Variants in ATP8A2 observed in about 807,000 individuals in gnomAD.
ATP8A2 encodes ATPase phospholipid transporting 8A2.
Under a neutral mutation model 165.6 loss-of-function variants are expected in ATP8A2, and 100 were observed. That is an observed-to-expected ratio of 0.60 (90% CI 0.51 to 0.71). The LOEUF is 0.71. Among genes scored for constraint, ATP8A2 ranks in the 30% least tolerant of loss-of-function variants. ATP8A2 has a pLI of 0.00. For missense variants in ATP8A2, 1,227 were observed against 1,479.5 expected (o/e 0.83, Z 2.80); for synonymous variants, 543 against 548.8 (o/e 0.99, Z 0.15).
At chr13:25,632,085 A>G (rs548329164) in intron 24 of ATP8A2, among the ~76,000 whole-genome samples, 56 of 152,156 alleles carry the variant, frequency 3.7e-4, no homozygotes, top group African/African-American at 1.3e-3. Flanking sequence ...GAAACACTTT[A>G]CTTACATTTT....
chr13:25,753,766 G>T (rs1202560934), intron 25 of ATP8A2, among the ~76,000 whole-genome samples: 1 of 152,220 alleles, frequency 6.6e-6, no homozygotes, highest in Non-Finnish European at 1.5e-5. Context: ...TATCCTGAGT[G>T]CTTGGGGTGC....
chr13:25,511,618 C>G (rs986261617), intron 2 of ATP8A2, among the ~76,000 whole-genome samples: 5 of 152,104 alleles, frequency 3.3e-5, no homozygotes, highest in African/African-American at 1.2e-4. Context: ...TCTAAAGTGT[C>G]AGTTTAGAGG....
At chr13:25,560,883 A>G (rs1213316311) in intron 15 of ATP8A2, among the ~76,000 whole-genome samples, 2 of 146,006 alleles carry the variant, frequency 1.4e-5, no homozygotes. Flanking sequence ...AGGTTTTTAC[A>G]TTTTTTCCTT....
At chr13:25,744,330 C>CCCCCCCCA (rs1566097592) in intron 25 of ATP8A2, among the ~76,000 whole-genome samples, 1 of 151,932 alleles carries the variant, frequency 6.6e-6, no homozygotes, top group African/African-American at 2.4e-5. Flanking sequence ...TCACCACCCC[C>CCCCCCCCA]CCGTGTGTAT....
At chr13:25,899,725 AG>A (rs1461773448) in intron 33 of ATP8A2, among the ~76,000 whole-genome samples, 1 of 152,174 alleles carries the variant, frequency 6.6e-6, no homozygotes, top group Non-Finnish European at 1.5e-5. Flanking sequence ...AGAAGAGCAG[AG>A]GGGTGCACGG....
chr13:25,963,851 C>G (rs1420718030), intron 34 of ATP8A2, among the ~76,000 whole-genome samples: 1 of 152,214 alleles, frequency 6.6e-6, no homozygotes, highest in Non-Finnish European at 1.5e-5. Context: ...TCAAACAGGA[C>G]TTGTTTTTGG....
chr13:25,820,944 GGTTT>G (rs1377300561), intron 27 of ATP8A2, among the ~76,000 whole-genome samples: 1 of 151,332 alleles, frequency 6.6e-6, no homozygotes, highest in Admixed American at 6.6e-5. Flanking sequence ...GTTGGCTTTG[GGTTT>G]GTTTTTTTTT....
At chr13:25,770,090 C>A (rs2044586533) in intron 26 of ATP8A2, among the ~76,000 whole-genome samples, 1 of 152,190 alleles carries the variant, frequency 6.6e-6, no homozygotes, top group Non-Finnish European at 1.5e-5. Flanking sequence ...TGTCCTTGTT[C>A]ATTTCTGGGC....
At chr13:25,854,472 A>C (rs10467675) in intron 30 of ATP8A2, among the ~76,000 whole-genome samples, 1,816 of 152,222 alleles carry the variant, frequency 0.012, 39 homozygotes, top group African/African-American at 0.04. Flanking sequence ...ACAGGCATGC[A>C]CCAGCATACC....
At chr13:25,433,588 C>G (rs2034673348) in intron 1 of ATP8A2, among the ~76,000 whole-genome samples, 1 of 152,126 alleles carries the variant, frequency 6.6e-6, no homozygotes, top group Non-Finnish European at 1.5e-5. Flanking sequence ...GTCTGTTTTT[C>G]AAGTGCTGTT....
chr13:25,906,167 C>G (rs1953930306), intron 33 of ATP8A2, among the ~76,000 whole-genome samples: 1 of 152,178 alleles, frequency 6.6e-6, no homozygotes, highest in South Asian at 2.1e-4. Context: ...GACTCTAGTG[C>G]CCCAAGTCTC....
At chr13:25,826,713 C>CT (rs1275749364) in intron 27 of ATP8A2, among the ~76,000 whole-genome samples, 12 of 152,322 alleles carry the variant, frequency 7.9e-5, no homozygotes, top group African/African-American at 2.4e-4. Context: ...ATGGGACACT[C>CT]TAAAGTCTGC....
chr13:25,760,151 T>G (rs1288462728), intron 25 of ATP8A2, among the ~76,000 whole-genome samples: 1 of 151,990 alleles, frequency 6.6e-6, no homozygotes, highest in Non-Finnish European at 1.5e-5. Context: ...CAGGATCGAG[T>G]TTTAAGGGTT....
chr13:25,453,269 G>A (rs1369131456), intron 1 of ATP8A2, among the ~76,000 whole-genome samples: 1 of 151,576 alleles, frequency 6.6e-6, no homozygotes. Context: ...TGGGATTACA[G>A]GCGCCTGCCA....
intron 25 of ATP8A2, among the ~76,000 whole-genome samples, chr13:25,734,499 A>G (rs2043724252): frequency 6.6e-6 from 1 of 152,190 alleles, no homozygotes; most frequent in Admixed American, 6.5e-5. Flanking sequence ...CTTAGCAAGC[A>G]TTTATTGAGT....
intron 26 of ATP8A2, among the ~76,000 whole-genome samples, chr13:25,774,533 A>G (rs974899955): frequency 6.6e-6 from 1 of 152,226 alleles, no homozygotes; most frequent in African/African-American, 2.4e-5. Flanking sequence ...ATAAACCTTC[A>G]CATCCTGCAC....
At chr13:25,912,708 G>T (rs1305374036) in intron 33 of ATP8A2, among the ~76,000 whole-genome samples, 1 of 152,102 alleles carries the variant, frequency 6.6e-6, no homozygotes, top group African/African-American at 2.4e-5. Flanking sequence ...AATTAACTGT[G>T]TAAGTATGGT....
chr13:25,374,467 G>A (rs1313098615), intron 1 of ATP8A2, among the ~76,000 whole-genome samples: 1 of 152,202 alleles, frequency 6.6e-6, no homozygotes, highest in East Asian at 1.9e-4. Context: ...GGAGGAAAAT[G>A]TGAGTTCAAG....
At chr13:25,564,987 C>G (rs913392947) in intron 16 of ATP8A2, among the ~76,000 whole-genome samples, 3 of 152,118 alleles carry the variant, frequency 2.0e-5, no homozygotes, top group Non-Finnish European at 4.4e-5. Context: ...TGAGTTACTT[C>G]ACTTAGAATA....
Sources: allele counts gnomAD v4.1 joint callset (sites outside exome capture counted in the v4.1 genomes callset), GRCh38; gene constraint gnomAD v4.1.1; transcripts MANE v1.5; gene names NCBI Gene and HGNC (gene_info 2026-07-23, HGNC 2026-07-21).